Variants in SH3KBP1 observed in about 807,000 individuals in gnomAD.
SH3KBP1 encodes the protein SH3 domain containing kinase binding protein 1.
In SH3KBP1, 8 loss-of-function variants were observed where a neutral mutation model predicts 50.1. The observed-to-expected ratio is 0.16, with a 90% CI of 0.09 to 0.29. The LOEUF (loss-of-function observed/expected upper bound fraction) is 0.29. Ranked by LOEUF, SH3KBP1 falls within the 10% of genes least tolerant of loss-of-function variation. The probability of loss-of-function intolerance (pLI) is 1.00; values close to 1 mark genes in which losing one functional copy is unlikely to be tolerated. For missense variants in SH3KBP1, 377 were observed against 535.2 expected, an observed-to-expected ratio of 0.70 and a Z score of 2.92; for synonymous variants, 227 against 218.6, an observed-to-expected ratio of 1.04 and a Z score of -0.34.
chrX:19,863,332 G>A (rs1024420808), intron 1 of SH3KBP1, among the ~76,000 whole-genome samples: 4 of 111,075 alleles, frequency 3.6e-5, no homozygotes, highest in African/African-American at 9.9e-5. Flanking sequence ...CAAGTAACAG[G>A]GACTATAGGT....
At chrX:19,618,214 T>C (rs2067677049) in intron 8 of SH3KBP1, among the ~76,000 whole-genome samples, 1 of 109,423 alleles carries the variant, frequency 9.1e-6, no homozygotes, top group Admixed American at 9.7e-5. Flanking sequence ...TGAATCCCCG[T>C]CTCTACTAAA....
At position 19,773,494 on chromosome X, in the gene SH3KBP1, AACACAC is replaced by A. The variant is rs749894154; in HGVS notation, c.163-27059_163-27054del. Among the ~76,000 whole-genome samples the A allele has an allele frequency of 9.5e-3, 901 of 94,442 alleles. 14 individuals carry two copies. Among genetic ancestry groups the A allele is most frequent in the African/African-American group, 0.032 (825 of 26,159 alleles). The allele number at this position is 94,442 out of a possible 115,157, so 82.0% of individuals were successfully genotyped here. On this transcript the variant is annotated intron_variant, in intron 2 of 17. Coordinates refer to ENST00000397821, the MANE Select transcript of SH3KBP1 (RefSeq NM_031892.3). Reference sequence around the variant, plus strand: ...TCTCTCTCTCTCTCTCACACACACAAACACACACACACACACACACACACACACGTG... The same window carrying A: ...TCTCTCTCTCTCTCTCACACACACAAACACACACACACACACACACACGTG...
chrX:19,789,157 A>G (rs1364176586), intron 2 of SH3KBP1, among the ~76,000 whole-genome samples: 1 of 111,851 alleles, frequency 8.9e-6, no homozygotes, highest in Non-Finnish European at 1.9e-5. Context: ...TAAAGAAAGA[A>G]AAAGAAAAAC....
At chrX:19,750,310 T>G (rs1195764714) in intron 2 of SH3KBP1, among the ~76,000 whole-genome samples, 1 of 111,895 alleles carries the variant, frequency 8.9e-6, no homozygotes, top group Non-Finnish European at 1.9e-5. Context: ...TCCGCCCACC[T>G]TGGCCTCCCA....
rs181635662 is a variant in SH3KBP1, at chrX:19,676,404, A to G, written c.726+7419T>C. ...TGGTTAATGCGTACATAAAAAATAG[A>G]AAGAATGAATAAGACCTACTGTTTG... is the stretch of plus-strand genomic sequence containing the variant. On this transcript the variant is annotated intron_variant, in intron 6 of 17. Transcript: ENST00000397821. Among the ~76,000 whole-genome samples the G allele has an allele frequency of 2.1e-3, 233 of 111,910 alleles. 1 individual carries two copies. The highest frequency in any genetic ancestry group is 7.2e-3 in the African/African-American group (223 of 30,774).
chrX:19,814,517 T>TG (rs1255230532), intron 2 of SH3KBP1, among the ~76,000 whole-genome samples: 1 of 111,368 alleles, frequency 9.0e-6, no homozygotes, highest in Non-Finnish European at 1.9e-5. Context: ...GGTGGTGCAC[T>TG]GGTCTCTCTG....
intron 1 of SH3KBP1, among the ~76,000 whole-genome samples, chrX:19,883,127 C>T (rs919821952): frequency 1.8e-5 from 2 of 112,105 alleles, no homozygotes; most frequent in Non-Finnish European, 3.8e-5. Flanking sequence ...TGATCAGAAC[C>T]ACCTGGAGGA....
intron 8 of SH3KBP1, among the ~76,000 whole-genome samples, chrX:19,624,317 A>G (rs2067945289): frequency 9.0e-6 from 1 of 111,635 alleles, no homozygotes; most frequent in African/African-American, 3.3e-5. Flanking sequence ...AGGGGAAAAA[A>G]AAGTATTCCA....
At chrX:19,545,839 T>C in intron 15 of SH3KBP1, 83 bp downstream of exon 15, 1 of 1,046,686 alleles carries the variant, frequency 9.6e-7, no homozygotes, top group Non-Finnish European at 1.3e-6. Context: ...CTGCACTGTT[T>C]GTGTATCTTT....
chrX:19,586,402 C>T (rs1289252947), intron 12 of SH3KBP1, among the ~76,000 whole-genome samples: 1 of 112,456 alleles, frequency 8.9e-6, no homozygotes, highest in East Asian at 2.8e-4. Context: ...GGTGTGGCTT[C>T]AGTGATGTGC....
chrX:19,688,278 G>T (rs2063209777), intron 5 of SH3KBP1, among the ~76,000 whole-genome samples: 1 of 111,385 alleles, frequency 9.0e-6, no homozygotes, highest in African/African-American at 3.3e-5. Context: ...TACTGGTGAG[G>T]GGGGTTTCAC....
At chrX:19,778,874 A>T (rs2147101062) in intron 2 of SH3KBP1, among the ~76,000 whole-genome samples, 1 of 110,430 alleles carries the variant, frequency 9.1e-6, no homozygotes, top group Admixed American at 9.7e-5. Context: ...TGGGTCCAGC[A>T]TTTTGTTCCT....
intron 13 of SH3KBP1, among the ~76,000 whole-genome samples, chrX:19,566,852 T>G: frequency 9.0e-6 from 1 of 111,229 alleles, no homozygotes; most frequent in East Asian, 2.8e-4. Flanking sequence ...GCCCCAAGCC[T>G]GCATGAGATC....
intron 6 of SH3KBP1, among the ~76,000 whole-genome samples, chrX:19,668,972 A>ATT (rs1264643511): frequency 6.5e-4 from 34 of 52,199 alleles, no homozygotes; most frequent in East Asian, 2.4e-3. Flanking sequence ...ATATATATAT[A>ATT]TATTTTTTGA....
intron 2 of SH3KBP1, among the ~76,000 whole-genome samples, chrX:19,819,026 A>C (rs1179050633): frequency 1.8e-5 from 2 of 112,000 alleles, no homozygotes; most frequent in Non-Finnish European, 3.8e-5. Flanking sequence ...TTATGACGAA[A>C]AACCTCTAGG....
chrX:19,876,113 C>A lies in SH3KBP1; in HGVS notation c.4+11194G>T, dbSNP rs774284559. On this transcript the variant is annotated intron_variant, in intron 1 of 17. Transcript: ENST00000397821. ...GTGGCTCACGCCTGTAATCCTAGCG[C>A]TTTGGGAGGCTGAGGTAGACAGATC... Among the ~76,000 whole-genome samples the A allele has an allele frequency of 3.7e-3, 416 of 112,352 alleles. 3 individuals are homozygous for A. Among genetic ancestry groups the A allele is most frequent in the Non-Finnish European group, 5.0e-3 (267 of 53,207 alleles).
intron 1 of SH3KBP1, among the ~76,000 whole-genome samples, chrX:19,851,084 G>A (rs1332163361): frequency 9.0e-6 from 1 of 111,344 alleles, no homozygotes; most frequent in Non-Finnish European, 1.9e-5. Flanking sequence ...GATCTCCCAG[G>A]TGACTCTATG....
intron 7 of SH3KBP1, among the ~76,000 whole-genome samples, chrX:19,635,514 T>C (rs907228840): frequency 9.2e-6 from 1 of 108,755 alleles, no homozygotes; most frequent in African/African-American, 3.4e-5. Context: ...AACCTGCACA[T>C]TCTGCACGTG....
chrX:19,555,279 T>C lies in SH3KBP1; in HGVS notation c.1385-5196A>G, dbSNP rs766910874. Among the ~76,000 whole-genome samples, 34 of 112,356 alleles carry C rather than the reference T, an allele frequency of 3.0e-4. 1 individual carries two copies. The highest frequency in any genetic ancestry group is 2.7e-3 in the Admixed American group (29 of 10,610). ...GCAGACATACGGGGATAATTCATGT[T>C]GGGCACGATGGAGTTGGCTTGGAAA... On this transcript the variant is annotated intron_variant, in intron 13 of 17. Coordinates refer to ENST00000397821, the MANE Select transcript of SH3KBP1 (RefSeq NM_031892.3).
Sources: allele counts gnomAD v4.1 joint callset (sites outside exome capture counted in the v4.1 genomes callset), GRCh38; gene constraint gnomAD v4.1.1; transcripts MANE v1.5; gene names NCBI Gene and HGNC (gene_info 2026-07-23, HGNC 2026-07-21).